TRPM7: variants seen among roughly 807,000 people sequenced by gnomAD.
TRPM7 encodes the protein transient receptor potential cation channel subfamily M member 7.
A neutral mutation model predicts 229.7 loss-of-function variants in TRPM7; 134 were observed. That is an observed-to-expected ratio of 0.58 (90% CI 0.51 to 0.67). TRPM7 has a LOEUF of 0.67. TRPM7 is among the 30% of genes least tolerant of loss of function. The pLI is 0.00. For synonymous variants in TRPM7, 699 were observed against 715.2 expected, an observed-to-expected ratio of 0.98 and a Z score of 0.36; for missense variants, 1,901 against 2,210.0, an observed-to-expected ratio of 0.86 and a Z score of 2.80.
intron 4 of TRPM7, among the ~76,000 whole-genome samples, chr15:50,643,951 A>T (rs1032719915): frequency 6.6e-6 from 1 of 152,118 alleles, no homozygotes; most frequent in Non-Finnish European, 1.5e-5. Flanking sequence ...ATTAGGGGGG[A>T]AAAATATGGA....
intron 1 of TRPM7, among the ~76,000 whole-genome samples, chr15:50,680,927 T>G (rs1273785047): frequency 3.9e-5 from 6 of 152,106 alleles, no homozygotes. Flanking sequence ...GAGAAAACAG[T>G]ATTGACATCA....
In TRPM7 at chr15:50,574,429, G is replaced by A; in HGVS notation, c.5153C>T (p.Ala1718Val). 1 of 1,613,806 alleles carries A rather than the reference G, an allele frequency of 6.2e-7. No individual in the cohort carries two copies. Among genetic ancestry groups the A allele is most frequent in the Non-Finnish European group, 8.5e-7 (1 of 1,179,968 alleles). ...TTCTCCAGTCATACATTCTTCCACA[G>A]CAAACCACTGTCCTGCTGAATGGCA... ...LYCHSAGQWF[A>V]VEECMTGEFR... is the part of the protein sequence containing the mutation. Residue 1718 changes from alanine (A) to valine (V), a missense_variant, in exon 36 of 39, where the codon GCT becomes GTT. Transcript: ENST00000646667.
chr15:50,593,810 A>T, intron 24 of TRPM7, 61 bp from the exon 25 acceptor site: 1 of 1,508,756 alleles, frequency 6.6e-7, no homozygotes. Flanking sequence ...ACTTTAGCTC[A>T]TAATTCTTAC....
At position 50,678,246 on chromosome 15, in the gene TRPM7, A is replaced by C. The variant is rs561190835; in HGVS notation, c.3+8285T>G. ...CAGAGTGAGACTCTCTCTCAAAAAAAAAAAACAAAAACAAAAACAAAAACA... is the reference window on the plus strand; with the variant it reads ...CAGAGTGAGACTCTCTCTCAAAAAACAAAAACAAAAACAAAAACAAAAACA... On this transcript the variant is annotated intron_variant, in intron 1 of 38. Coordinates refer to ENST00000646667, the MANE Select transcript of TRPM7 (RefSeq NM_017672.6). Among the ~76,000 whole-genome samples the C allele has an allele frequency of 1.5e-3, 207 of 142,544 alleles. 5 individuals carry two copies. Among genetic ancestry groups the C allele is most frequent in the East Asian group, 5.1e-3 (25 of 4,884 alleles). 93.5% of individuals were successfully genotyped at this position (142,544 alleles called of 152,430 possible).
At chr15:50,593,879 C>T (rs568527487) in intron 24 of TRPM7, 130 bp from the exon 25 acceptor site, 1 of 852,804 alleles carries the variant, frequency 1.2e-6, no homozygotes, top group Non-Finnish European at 1.8e-6. Flanking sequence ...ACTTTTACTA[C>T]TATGCTTCTA....
intron 10 of TRPM7, among the ~76,000 whole-genome samples, chr15:50,630,017 A>G (rs1300111901): frequency 6.6e-6 from 1 of 151,472 alleles, no homozygotes; most frequent in South Asian, 2.1e-4. Context: ...ATCCACCACC[A>G]CCCCCAGCTA....
At chr15:50,667,175 T>C (rs960864156) in intron 1 of TRPM7, among the ~76,000 whole-genome samples, 1 of 152,146 alleles carries the variant, frequency 6.6e-6, no homozygotes. Flanking sequence ...CACAGCTCTC[T>C]GCATGTCTGG....
At chr15:50,683,448 A>G (rs987639434) in intron 1 of TRPM7, among the ~76,000 whole-genome samples, 1 of 151,840 alleles carries the variant, frequency 6.6e-6, no homozygotes, top group Non-Finnish European at 1.5e-5. Context: ...AAAAAAAAAA[A>G]AAGAAGCCAG....
At chr15:50,650,678 C>T (rs1474985916) in intron 3 of TRPM7, among the ~76,000 whole-genome samples, 1 of 151,302 alleles carries the variant, frequency 6.6e-6, no homozygotes, top group Non-Finnish European at 1.5e-5. Context: ...ATGGGCAACA[C>T]AGCAAGACTG....
At chr15:50,653,930 C>G (rs1055454096) in intron 3 of TRPM7, among the ~76,000 whole-genome samples, 3 of 152,084 alleles carry the variant, frequency 2.0e-5, no homozygotes, top group African/African-American at 7.2e-5. Flanking sequence ...AAAGACATCA[C>G]TGAACCCCCT....
At chr15:50,679,514 ATAT>A (rs1567129195) in intron 1 of TRPM7, among the ~76,000 whole-genome samples, 35 of 89,528 alleles carry the variant, frequency 3.9e-4, no homozygotes, top group East Asian at 9.9e-4. Flanking sequence ...TATATATAAT[ATAT>A]ATATATATAT....
At chr15:50,631,536 C>T (rs778590773) in intron 9 of TRPM7, 47 bp from the exon 10 acceptor site, 368 of 1,311,614 alleles carry the variant, frequency 2.8e-4, no homozygotes, top group Non-Finnish European at 3.8e-4. Context: ...ATTTTTAAAA[C>T]AAAGGCATCA....
At chr15:50,585,050 ATT>A (rs755433337) in intron 28 of TRPM7, among the ~76,000 whole-genome samples, 5 of 95,056 alleles carry the variant, frequency 5.3e-5, no homozygotes, top group African/African-American at 1.2e-4. Context: ...TAATTTTTGT[ATT>A]TTTTTTTTTT....
intron 22 of TRPM7, among the ~76,000 whole-genome samples, chr15:50,597,058 A>G (rs928229432): frequency 1.3e-5 from 2 of 152,356 alleles, no homozygotes; most frequent in East Asian, 3.9e-4. Flanking sequence ...TGGTTGACTC[A>G]TAGCAAAACA....
intron 20 of TRPM7, among the ~76,000 whole-genome samples, chr15:50,606,790 C>T (rs982856284): frequency 9.9e-5 from 15 of 152,158 alleles, no homozygotes; most frequent in African/African-American, 3.1e-4. Flanking sequence ...TGAGCCACCG[C>T]GCCTGGCCTA....
chr15:50,606,994 T>C (rs1566995232), intron 20 of TRPM7, among the ~76,000 whole-genome samples: 1 of 152,214 alleles, frequency 6.6e-6, no homozygotes, highest in Non-Finnish European at 1.5e-5. Context: ...TCATTTTATC[T>C]GTAATGGCAA....
chr15:50,631,590 T>TA (rs2060734378), intron 9 of TRPM7, 101 bp from the exon 10 acceptor site: 1 of 621,256 alleles, frequency 1.6e-6, no homozygotes, highest in Non-Finnish European at 2.9e-6. Context: ...AAAATATATA[T>TA]GTATGTATCT....
chr15:50,606,663 T>C (rs577157690), intron 20 of TRPM7, among the ~76,000 whole-genome samples: 1 of 152,168 alleles, frequency 6.6e-6, no homozygotes, highest in East Asian at 2.0e-4. Context: ...CATGCCTAGC[T>C]AATTTTTATA....
intron 1 of TRPM7, among the ~76,000 whole-genome samples, chr15:50,681,559 C>G (rs1036376819): frequency 6.6e-6 from 1 of 152,196 alleles, no homozygotes; most frequent in Non-Finnish European, 1.5e-5. Flanking sequence ...CAGCATACTA[C>G]CAAACTGCCA....
Sources: allele counts gnomAD v4.1 joint callset (sites outside exome capture counted in the v4.1 genomes callset), GRCh38; gene constraint gnomAD v4.1.1; transcripts MANE v1.5; gene names NCBI Gene and HGNC (gene_info 2026-07-23, HGNC 2026-07-21).